The following TEX11 variants were observed in gnomAD, a reference collection of about 807,000 sequenced individuals.
TEX11 encodes testis expressed 11, also known as testis-expressed protein 11.
In TEX11, 7 loss-of-function variants were observed where a neutral mutation model predicts 84.4. The observed-to-expected ratio is 0.08, with a 90% CI of 0.05 to 0.16. The LOEUF (loss-of-function observed/expected upper bound fraction) is 0.16, where lower values mean the gene tolerates loss of function less well. Ranked by LOEUF, TEX11 falls within the 10% of genes least tolerant of loss-of-function variation. The probability of loss-of-function intolerance (pLI) is 1.00; values close to 1 mark genes in which losing one functional copy is unlikely to be tolerated. For missense variants in TEX11, 551 were observed against 660.5 expected (o/e 0.83, Z 1.82); for synonymous variants, 264 against 222.8 (o/e 1.18, Z -1.64).
At chrX:70,591,691 G>T in intron 25 of TEX11, 60 bp downstream of exon 25, 1 of 931,825 alleles carries the variant, frequency 1.1e-6, no homozygotes, top group Non-Finnish European at 1.5e-6. Context: ...CAAAAGACTT[G>T]TTTATTCGAT....
chrX:70,840,880 A>G (rs1457103583), intron 7 of TEX11, among the ~76,000 whole-genome samples: 1 of 111,476 alleles, frequency 9.0e-6, no homozygotes, highest in Admixed American at 9.6e-5. Context: ...AAAGAGACAA[A>G]GAAGGCCATT....
intron 22 of TEX11, among the ~76,000 whole-genome samples, chrX:70,608,019 T>C (rs1230600476): frequency 1.8e-5 from 2 of 112,457 alleles, no homozygotes; most frequent in African/African-American, 6.5e-5. Flanking sequence ...GTCCACTTTG[T>C]GGCACTGCTG....
intron 25 of TEX11, among the ~76,000 whole-genome samples, chrX:70,566,626 T>G (rs1474150784): frequency 9.0e-6 from 1 of 111,509 alleles, no homozygotes; most frequent in Non-Finnish European, 1.9e-5. Context: ...GTTGTTGAAT[T>G]TTGTCAATGG....
rs1247550905 is a variant in TEX11, at chrX:70,529,060, G to A, written c.*35C>T. On this transcript the variant is annotated 3_prime_UTR_variant, in exon 30 of 30. Transcript: ENST00000374333. ...AAAATTTAAACAGTCAGCATCTCGGGACAATGTATCTTCTTCATGTGGCCA... is the reference window on the plus strand; with the variant it reads ...AAAATTTAAACAGTCAGCATCTCGGAACAATGTATCTTCTTCATGTGGCCA... 4 of 1,110,111 alleles carry A rather than the reference G, an allele frequency of 3.6e-6. No individual in the cohort carries two copies. The highest frequency in any genetic ancestry group is 4.9e-6 in the Non-Finnish European group (4 of 808,416). The allele number at this position is 1,110,111 out of a possible 1,213,427, so 91.5% of individuals were successfully genotyped here.
At chrX:70,637,564 T>C (rs1200768718) in intron 17 of TEX11, among the ~76,000 whole-genome samples, 1 of 111,172 alleles carries the variant, frequency 9.0e-6, no homozygotes, top group Non-Finnish European at 1.9e-5. Flanking sequence ...ATATACACCA[T>C]GGAATACTAT....
At chrX:70,589,814 A>C (rs1403260858) in intron 25 of TEX11, among the ~76,000 whole-genome samples, 1 of 112,255 alleles carries the variant, frequency 8.9e-6, no homozygotes, top group East Asian at 2.8e-4. Context: ...GAGCCACTGC[A>C]TACTTGCTTA....
intron 24 of TEX11, among the ~76,000 whole-genome samples, chrX:70,599,852 T>C (rs962132732): frequency 9.3e-6 from 1 of 107,738 alleles, no homozygotes; most frequent in Non-Finnish European, 1.9e-5. Flanking sequence ...CATGAACTCA[T>C]CATTTTTTAT....
chrX:70,731,093 C>T (rs2090645676), intron 11 of TEX11, among the ~76,000 whole-genome samples: 1 of 111,905 alleles, frequency 8.9e-6, no homozygotes, highest in African/African-American at 3.3e-5. Flanking sequence ...TAAAGACGTT[C>T]TCTGAAACCA....
At chrX:70,716,630 C>G (rs1042378641) in intron 13 of TEX11, among the ~76,000 whole-genome samples, 1 of 112,561 alleles carries the variant, frequency 8.9e-6, no homozygotes, top group Admixed American at 9.4e-5. Context: ...TTTGCTAATA[C>G]CATTGGAAAA....
chrX:70,526,563 C>T (rs1362204951), downstream of TEX11, among the ~76,000 whole-genome samples: 1 of 100,137 alleles, frequency 1.0e-5, no homozygotes, highest in Non-Finnish European at 2.0e-5. Flanking sequence ...AGCAAGACTC[C>T]GTCTAAAAAA....
intron 9 of TEX11, among the ~76,000 whole-genome samples, chrX:70,757,400 C>G (rs944197263): frequency 9.0e-6 from 1 of 111,694 alleles, no homozygotes; most frequent in Non-Finnish European, 1.9e-5. Context: ...AAAGGGAAGC[C>G]CATCAGACTA....
chrX:70,524,229 G>T (rs1305295918), downstream of TEX11, among the ~76,000 whole-genome samples: 2 of 112,353 alleles, frequency 1.8e-5, no homozygotes, highest in Non-Finnish European at 3.8e-5. Flanking sequence ...TTGAAGGAGA[G>T]ACTTGGTCCT....
intron 2 of TEX11, among the ~76,000 whole-genome samples, chrX:70,907,460 G>A (rs951424297): frequency 7.3e-5 from 8 of 109,860 alleles, no homozygotes; most frequent in African/African-American, 1.3e-4. Flanking sequence ...AGGCTGGAGC[G>A]CAGTGGCGCA....
intron 17 of TEX11, among the ~76,000 whole-genome samples, chrX:70,643,540 C>CCAAAA (rs2089694179): frequency 9.8e-6 from 1 of 102,179 alleles, no homozygotes; most frequent in South Asian, 4.8e-4. Context: ...GCTACAGTAA[C>CCAAAA]CAAAACAGCA....
At chrX:70,591,464 G>A (rs75484962) in intron 25 of TEX11, among the ~76,000 whole-genome samples, 8,526 of 110,029 alleles carry the variant, frequency 0.077, 414 homozygotes, top group Admixed American at 0.25. Context: ...TTAGCCAGGC[G>A]TTGTAGTGCA....
At chrX:70,903,604 G>A (rs1373141528) in intron 2 of TEX11, among the ~76,000 whole-genome samples, 1 of 110,300 alleles carries the variant, frequency 9.1e-6, no homozygotes, top group Non-Finnish European at 1.9e-5. Context: ...GAAATAACAC[G>A]AAAAGGATAG....
chrX:70,803,491 G>A (rs1388429110), intron 9 of TEX11, among the ~76,000 whole-genome samples: 2 of 111,310 alleles, frequency 1.8e-5, no homozygotes, highest in Non-Finnish European at 3.8e-5. Context: ...AAAAATCAAG[G>A]GAAATAAATG....
intron 15 of TEX11, among the ~76,000 whole-genome samples, chrX:70,670,771 T>C (rs1451238839): frequency 8.9e-6 from 1 of 111,823 alleles, no homozygotes; most frequent in East Asian, 2.8e-4. Context: ...TCTAAGAGTG[T>C]AGTAAACCAC....
intron 11 of TEX11, among the ~76,000 whole-genome samples, chrX:70,740,111 G>T (rs996284817): frequency 8.9e-6 from 1 of 111,885 alleles, no homozygotes; most frequent in Non-Finnish European, 1.9e-5. Flanking sequence ...TCACAGAAAA[G>T]AAAATTTTCT....
Sources: allele counts gnomAD v4.1 joint callset (sites outside exome capture counted in the v4.1 genomes callset), GRCh38; gene constraint gnomAD v4.1.1; transcripts MANE v1.5; gene names NCBI Gene and HGNC (gene_info 2026-07-23, HGNC 2026-07-21).